The following NOS1AP variants were observed in gnomAD, a reference collection of about 807,000 sequenced individuals.
NOS1AP encodes the protein carboxyl-terminal PDZ ligand of neuronal nitric oxide synthase protein.
NOS1AP carries 21 observed loss-of-function variants against 56.2 expected under a neutral mutation model. The ratio of observed to expected loss-of-function variants is 0.37; its 90% confidence interval spans 0.26 to 0.54. The LOEUF is 0.54. Among genes scored for constraint, NOS1AP ranks in the 20% least tolerant of loss-of-function variants. The probability of loss-of-function intolerance (pLI) is 0.84; values close to 1 mark genes in which losing one functional copy is unlikely to be tolerated. For synonymous variants in NOS1AP, 270 were observed against 274.6 expected (o/e 0.98, Z 0.17); for missense variants, 522 against 657.8 (o/e 0.79, Z 2.26).
At chr1:162,273,869 A>G (rs1490204591) in intron 2 of NOS1AP, among the ~76,000 whole-genome samples, 1 of 152,216 alleles carries the variant, frequency 6.6e-6, no homozygotes, top group African/African-American at 2.4e-5. Context: ...AACTTTCTGT[A>G]ACAATACTGT....
At chr1:162,161,299 T>C (rs1216653627) in intron 2 of NOS1AP, among the ~76,000 whole-genome samples, 1 of 152,212 alleles carries the variant, frequency 6.6e-6, no homozygotes, top group African/African-American at 2.4e-5. Flanking sequence ...TGAGTCTGTC[T>C]ACCATAATGG....
chr1:162,342,854 G>T (rs184815956), intron 5 of NOS1AP, among the ~76,000 whole-genome samples: 1 of 152,266 alleles, frequency 6.6e-6, no homozygotes, highest in East Asian at 1.9e-4. Context: ...TGAGTATAGG[G>T]TGACAATCAC....
At chr1:162,070,407 T>A in intron 1 of NOS1AP, 125 bp downstream of exon 1, 1 of 744,776 alleles carries the variant, frequency 1.3e-6, no homozygotes, top group Admixed American at 2.1e-5. Context: ...GGCCTTTCTC[T>A]TAGGGAGGGT....
chr1:162,334,565 A>G (rs73029279), intron 5 of NOS1AP, among the ~76,000 whole-genome samples: 5,783 of 152,290 alleles, frequency 0.038, 395 homozygotes, highest in African/African-American at 0.13. Context: ...CCTGATGGTC[A>G]TGAATTGGCT....
intron 2 of NOS1AP, among the ~76,000 whole-genome samples, chr1:162,285,275 G>A (rs1321069595): frequency 6.6e-6 from 1 of 152,180 alleles, no homozygotes; most frequent in African/African-American, 2.4e-5. Context: ...GCAGCTGGAA[G>A]GTTGTGTTTA....
chr1:162,198,057 G>C (rs927102998), intron 2 of NOS1AP, among the ~76,000 whole-genome samples: 2 of 152,246 alleles, frequency 1.3e-5, no homozygotes, highest in Admixed American at 6.5e-5. Flanking sequence ...CTGTAGGAGG[G>C]CCCTGGTACT....
At chr1:162,316,779 G>A (rs543742443) in intron 4 of NOS1AP, 1 of 152,906 alleles carries the variant, frequency 6.5e-6, no homozygotes, top group East Asian at 1.9e-4. Flanking sequence ...TCTTAAAGGT[G>A]GGGGAGATTA....
intron 2 of NOS1AP, among the ~76,000 whole-genome samples, chr1:162,261,791 A>G (rs1159801038): frequency 6.6e-6 from 1 of 152,220 alleles, no homozygotes; most frequent in East Asian, 1.9e-4. Context: ...TTGTGTCCCC[A>G]GATCTCAGCT....
chr1:162,181,502 G>A (rs1651261944), intron 2 of NOS1AP, among the ~76,000 whole-genome samples: 1 of 152,110 alleles, frequency 6.6e-6, no homozygotes, highest in Non-Finnish European at 1.5e-5. Flanking sequence ...AAGCTTATTT[G>A]CATAATTTTT....
chr1:162,122,486 A>G (rs921387334), intron 1 of NOS1AP, among the ~76,000 whole-genome samples: 2 of 150,898 alleles, frequency 1.3e-5, no homozygotes, highest in Non-Finnish European at 2.9e-5. Flanking sequence ...ATGAAAGTAG[A>G]GAGAATGATA....
chr1:162,287,397 A>G lies in NOS1AP; in HGVS notation c.231A>G (p.Ser77=), dbSNP rs1164400335. ...AGAAGAAAGTGAGCATTATGGTTTC[A>G]GTGGATGGAGTGAAAGTGATTCTGA... is the stretch of plus-strand genomic sequence containing the variant. ...IKKKKVSIMV[S]VDGVKVILKK... is the part of the protein sequence containing the mutation. Residue 77 remains serine (S), a synonymous_variant, in exon 3 of 10, where the codon TCA becomes TCG. Coordinates refer to ENST00000361897, the MANE Select transcript of NOS1AP (RefSeq NM_014697.3). 6.2e-7 allele frequency: 1 copy of G among 1,613,316 alleles called. No individual in the cohort carries two copies. Among genetic ancestry groups the G allele is most frequent in the Non-Finnish European group, 8.5e-7 (1 of 1,179,396 alleles).
At chr1:162,292,610 AC>A (rs1026682415) in intron 3 of NOS1AP, among the ~76,000 whole-genome samples, 3 of 152,194 alleles carry the variant, frequency 2.0e-5, no homozygotes, top group Non-Finnish European at 4.4e-5. Context: ...GGTTCTTTCC[AC>A]TGCTCTGTTG....
chr1:162,187,229 A>T (rs1651466619), intron 2 of NOS1AP, among the ~76,000 whole-genome samples: 1 of 152,166 alleles, frequency 6.6e-6, no homozygotes, highest in Non-Finnish European at 1.5e-5. Context: ...GGCCTCCCAA[A>T]GTGCTAGGAT....
At chr1:162,105,457 C>A (rs913928284) in intron 1 of NOS1AP, among the ~76,000 whole-genome samples, 1 of 152,204 alleles carries the variant, frequency 6.6e-6, no homozygotes, top group Non-Finnish European at 1.5e-5. Flanking sequence ...AGGGGGGTAC[C>A]ATTCCTCATT....
chr1:162,340,391 A>C (rs561808951), intron 5 of NOS1AP, among the ~76,000 whole-genome samples: 1 of 152,336 alleles, frequency 6.6e-6, no homozygotes, highest in East Asian at 1.9e-4. Context: ...AGGCTATGCT[A>C]TCTGATGCAC....
chr1:162,178,506 C>A (rs1651141733), intron 2 of NOS1AP, among the ~76,000 whole-genome samples: 1 of 152,174 alleles, frequency 6.6e-6, no homozygotes, highest in African/African-American at 2.4e-5. Flanking sequence ...ATCCTTTTAG[C>A]AACCCTATGA....
rs185820235 is a variant in NOS1AP at position 162,344,007 on chromosome 1, G to A, written c.595+31G>A. 523 of 1,612,980 alleles carry A rather than the reference G, an allele frequency of 3.2e-4. 4 individuals carry two copies. In the African/African-American group the frequency reaches 6.2e-3, roughly 19 times the overall value. Reference sequence around the variant, plus strand: ...CACTGCGGCTTCTGTGGATGTGGGTGGGAAGGCAGTGCACACAGTAGGCTC... The same window carrying A: ...CACTGCGGCTTCTGTGGATGTGGGTAGGAAGGCAGTGCACACAGTAGGCTC... On this transcript the variant is annotated intron_variant, in intron 6 of 9. Coordinates refer to ENST00000361897, the MANE Select transcript of NOS1AP (RefSeq NM_014697.3).
intron 7 of NOS1AP, 28 bp downstream of exon 7, chr1:162,355,381 A>T: frequency 6.2e-7 from 1 of 1,613,272 alleles, no homozygotes; most frequent in Non-Finnish European, 8.5e-7. Flanking sequence ...CATCTGTGTG[A>T]TCTGCACACG....
At chr1:162,279,287 G>A (rs576308101) in intron 2 of NOS1AP, among the ~76,000 whole-genome samples, 8 of 152,120 alleles carry the variant, frequency 5.3e-5, no homozygotes, top group Non-Finnish European at 1.2e-4. Flanking sequence ...CTGTATTCCC[G>A]GGGCTATCTC....
Sources: gnomAD v4.1 joint callset for allele counts (sites outside exome capture counted in the v4.1 genomes callset) on GRCh38, gnomAD v4.1.1 for gene constraint, MANE v1.5 for transcripts, NCBI Gene and HGNC (gene_info 2026-07-23, HGNC 2026-07-21) for gene names.